The following PCDHA5 variants were observed in gnomAD, a reference collection of about 807,000 sequenced individuals.
PCDHA5 encodes protocadherin alpha 5, also known as protocadherin alpha-5.
Under a neutral mutation model 61.6 loss-of-function variants are expected in PCDHA5, and 43 were observed. The ratio of observed to expected loss-of-function variants is 0.70; its 90% CI spans 0.55 to 0.90. The LOEUF is 0.90. PCDHA5 is among the 40% of genes least tolerant of loss of function. The pLI, the probability that PCDHA5 is intolerant of heterozygous loss-of-function variation, is 0.00. For missense variants in PCDHA5, 1,298 were observed against 1,222.7 expected, an observed-to-expected ratio of 1.06 and a Z score of -0.92; for synonymous variants, 627 against 543.9, an observed-to-expected ratio of 1.15 and a Z score of -2.13.
At chr5:140,871,315 C>A (rs908582761) in intron 1 of PCDHA5, 1 of 1,613,928 alleles carries the variant, frequency 6.2e-7, no homozygotes, top group African/African-American at 1.3e-5. Context: ...GAAGCCCACG[C>A]TGGTGTGCTC....
chr5:140,883,457 C>A lies in PCDHA5; in HGVS notation c.2352+59330C>A, dbSNP rs142331981. 13 of 1,614,078 alleles carry A rather than the reference C, an allele frequency of 8.1e-6. No individual in the cohort carries two copies. Among genetic ancestry groups the A allele is most frequent in the Non-Finnish European group, 1.1e-5 (13 of 1,180,050 alleles). On this transcript the variant is annotated intron_variant, in intron 1 of 3. Transcript: ENST00000529859. ...CTTGACGCCGCATGTCCCCTTCAAG[C>A]TGGTGTCCACCTACAAGAACTACTA...
chr5:141,003,560 G>T (rs1011065385), intron 3 of PCDHA5, among the ~76,000 whole-genome samples: 1 of 152,062 alleles, frequency 6.6e-6, no homozygotes, highest in Non-Finnish European at 1.5e-5. Context: ...TGATCCACCT[G>T]CCTCAGACTC....
intron 1 of PCDHA5, among the ~76,000 whole-genome samples, chr5:140,895,667 G>A (rs2153450568): frequency 1.3e-5 from 2 of 152,262 alleles, no homozygotes; most frequent in South Asian, 4.1e-4. Context: ...GTGAGAACAT[G>A]TAGTATTTGG....
intron 1 of PCDHA5, chr5:140,968,033 G>A (rs1554230222): frequency 6.2e-7 from 1 of 1,614,074 alleles, no homozygotes; most frequent in African/African-American, 1.3e-5. Context: ...TACACTGGTG[G>A]TGAGCGGCCC....
Position 140,883,553 on chromosome 5 carries a change from G to A in PCDHA5, c.2352+59426G>A, listed in dbSNP as rs782158028. The A allele has an allele frequency of 4.3e-6, 7 of 1,614,122 alleles. No individual in the cohort carries two copies. In the South Asian group the frequency reaches 7.7e-5, roughly 18 times the overall value. On this transcript the variant is annotated intron_variant, in intron 1 of 3. Transcript: ENST00000529859. The stretch of plus-strand genomic sequence containing the variant: ...CTATGAACTGGTGGTGACCGCGCGG[G>A]ACGGGGGCTCGCCTTCGCTGTGGGC...
intron 1 of PCDHA5, chr5:140,851,593 C>A (rs1200692770): frequency 1.1e-6 from 1 of 916,458 alleles, no homozygotes; most frequent in Non-Finnish European, 1.3e-6. Context: ...TTTTGAAATT[C>A]AGTTTACAGA....
intron 1 of PCDHA5, chr5:140,969,580 AT>A: frequency 2.2e-6 from 2 of 914,646 alleles, no homozygotes; most frequent in Non-Finnish European, 3.2e-6. Flanking sequence ...AGAAGTGAGG[AT>A]TAGTCTTAAT....
intron 1 of PCDHA5, chr5:140,862,144 C>G (rs2047225935): frequency 1.2e-5 from 2 of 162,888 alleles, no homozygotes; most frequent in South Asian, 1.7e-4. Context: ...TTTGAGGAAA[C>G]TAAATAATGA....
rs1022293477 is a variant in PCDHA5, at chr5:140,841,242, T to C, written c.2352+17115T>C. 4.7e-6 allele frequency: 7 copies of C among 1,492,124 alleles called. No individual in the cohort carries two copies. The Admixed American group carries it at 6.7e-5, about 14-fold the overall frequency. The allele number at this position is 1,492,124 out of a possible 1,614,324, so 92.4% of individuals were successfully genotyped here. On this transcript the variant is annotated intron_variant, in intron 1 of 3. Transcript: ENST00000529859. ...CCGAACAACGGGAGATGCAGCGGAATTGGATTAAAAGACTCTGAAAGTACA... is the reference window on the plus strand; with the variant it reads ...CCGAACAACGGGAGATGCAGCGGAACTGGATTAAAAGACTCTGAAAGTACA...
intron 1 of PCDHA5, chr5:140,856,336 G>A (rs782523397): frequency 1.9e-6 from 3 of 1,598,624 alleles, no homozygotes; most frequent in East Asian, 2.2e-5. Context: ...AGCTGTGCGG[G>A]CGGAGCGTGG....
At chr5:140,848,736 A>G (rs1339313623) in intron 1 of PCDHA5, 1 of 1,592,708 alleles carries the variant, frequency 6.3e-7, no homozygotes. Context: ...AAATCTGCAG[A>G]ATGGCATTTT....
At chr5:140,947,192 C>G (rs958443362) in intron 1 of PCDHA5, among the ~76,000 whole-genome samples, 27 of 151,038 alleles carry the variant, frequency 1.8e-4, no homozygotes, top group African/African-American at 6.6e-4. Flanking sequence ...GTATACTACA[C>G]AGCCTTAAAA....
At chr5:140,835,561 T>C (rs1304711365) in intron 1 of PCDHA5, 2 of 1,613,924 alleles carry the variant, frequency 1.2e-6, no homozygotes, top group Non-Finnish European at 1.7e-6. Flanking sequence ...ACGCCCCGCG[T>C]TCCCTTCAAG....
intron 1 of PCDHA5, among the ~76,000 whole-genome samples, chr5:140,886,842 A>AAG (rs2061180057): frequency 6.6e-6 from 1 of 151,638 alleles, no homozygotes; most frequent in African/African-American, 2.4e-5. Context: ...AAAAAAAAAA[A>AAG]AAAAAGAAAG....
intron 1 of PCDHA5, chr5:140,842,100 C>G: frequency 1.2e-6 from 2 of 1,613,850 alleles, no homozygotes; most frequent in Non-Finnish European, 1.7e-6. Flanking sequence ...AACGGAACAA[C>G]AGTTATCAAA....
intron 1 of PCDHA5, chr5:140,830,575 T>A: frequency 1.1e-6 from 1 of 879,468 alleles, no homozygotes. Context: ...CTGTTTTTAA[T>A]TTTTAATTAA....
At position 140,954,715 on chromosome 5, in the gene PCDHA5, G is replaced by A. The variant is rs189929573; in HGVS notation, c.2353-24234G>A. Among the ~76,000 whole-genome samples, 246 of 152,208 alleles carry A rather than the reference G, an allele frequency of 1.6e-3. 8 individuals carry two copies. Among genetic ancestry groups the A allele is most frequent in the Middle Eastern group, 3.4e-3 (1 of 294 alleles). ...GACTACAAAATTTTTCTCCCATTCT[G>A]TAGGTTGTCTTTTCACTCTGATGAT... On this transcript the variant is annotated intron_variant, in intron 1 of 3. Coordinates refer to ENST00000529859, the MANE Select transcript of PCDHA5 (RefSeq NM_018908.3).
chr5:140,824,265 A>T lies in PCDHA5; in HGVS notation c.2352+138A>T, dbSNP rs2150133778. The T allele has an allele frequency of 3.7e-5, 46 of 1,252,254 alleles. No individual in the cohort carries two copies. In the Admixed American group the frequency reaches 7.8e-4, roughly 21 times the overall value. The allele number at this position is 1,252,254 out of a possible 1,614,324, so 77.6% of individuals were successfully genotyped here. On this transcript the variant is annotated intron_variant, in intron 1 of 3. Transcript: ENST00000529859. ...TGGTACACAATTATTGCACTAATTC[A>T]TGTATTATATGCTTTTTATGAGGCT... is the stretch of plus-strand genomic sequence containing the variant.
At chr5:140,926,664 C>T (rs2083450429) in intron 1 of PCDHA5, 1 of 546,968 alleles carries the variant, frequency 1.8e-6, no homozygotes, top group East Asian at 3.5e-5. Context: ...CTTTCCCAGA[C>T]GGCTGCCCAG....
Sources: gnomAD v4.1 joint callset for allele counts (sites outside exome capture counted in the v4.1 genomes callset) on GRCh38, gnomAD v4.1.1 for gene constraint, MANE v1.5 for transcripts, NCBI Gene and HGNC (gene_info 2026-07-23, HGNC 2026-07-21) for gene names.